TFDP2: variants seen among roughly 807,000 people sequenced by gnomAD.
The protein encoded by TFDP2 is transcription factor Dp-2 (E2F dimerization partner 2).
A neutral mutation model predicts 59.3 loss-of-function variants in TFDP2; 17 were observed. The observed-to-expected ratio is 0.29, with a 90% CI of 0.20 to 0.43. The LOEUF (loss-of-function observed/expected upper bound fraction) is 0.43. TFDP2 is among the 20% of genes least tolerant of loss of function. The pLI is 1.00. For synonymous variants in TFDP2, 180 were observed against 194.7 expected (o/e 0.92, Z 0.63); for missense variants, 391 against 528.8 (o/e 0.74, Z 2.56).
chr3:142,052,906 T>C (rs1947712174), intron 3 of TFDP2, among the ~76,000 whole-genome samples: 1 of 151,994 alleles, frequency 6.6e-6, no homozygotes, highest in African/African-American at 2.4e-5. Flanking sequence ...GCCTCCTGGG[T>C]TCACGCCATT....
chr3:141,948,506 A>G lies in TFDP2; in HGVS notation c.*4007T>C, dbSNP rs11707100. The G allele has an allele frequency of 0.08, 12,018 of 150,632 alleles. 601 individuals carry two copies. Among genetic ancestry groups the G allele is most frequent in the East Asian group, 0.16 (809 of 5,020 alleles). 9.3% of individuals were successfully genotyped at this position (150,632 alleles called of 1,614,324 possible). Reference sequence around the variant, plus strand: ...TGCAGTGAGCCGGGATTGCGCCACTACACTCCAGCCTGGCGACAGAGCAAG... The same window carrying G: ...TGCAGTGAGCCGGGATTGCGCCACTGCACTCCAGCCTGGCGACAGAGCAAG... On this transcript the variant is annotated 3_prime_UTR_variant, in exon 13 of 13. Transcript: ENST00000489671.
chr3:141,995,124 C>T lies in TFDP2; in HGVS notation c.204G>A (p.Gln68=), dbSNP rs754808403. 1 of 1,599,410 alleles carries T rather than the reference C, an allele frequency of 6.3e-7. No homozygotes were observed. The highest frequency in any genetic ancestry group is 2.2e-5 in the East Asian group (1 of 44,492). ...VGPQMIISTP[Q]RLTSSGSVLI... is the part of the protein sequence containing the mutation. ...GAACACTTCCTGAACTGGTTAGTCT[C>T]TGTGGTGTGCTTATAATCTGTAAAG... is the stretch of plus-strand genomic sequence containing the variant. The change falls in exon 5 of 13, where the codon CAG becomes CAA. Residue 68 remains glutamine, a synonymous_variant. Transcript: ENST00000489671.
rs1234307836 is a variant in TFDP2 at position 142,111,416 on chromosome 3, A to G, written c.-92-9575T>C. On this transcript the variant is annotated intron_variant, in intron 1 of 12. Coordinates refer to ENST00000489671, the MANE Select transcript of TFDP2 (RefSeq NM_001178139.2). ...GCACTCCGGCCTGGCCGACAGAGTTAGACTCTGTCTCAAAAAAAAAAAAAA... is the reference window on the plus strand; with the variant it reads ...GCACTCCGGCCTGGCCGACAGAGTTGGACTCTGTCTCAAAAAAAAAAAAAA... Among the ~76,000 whole-genome samples the G allele has an allele frequency of 3.5e-5, 5 of 143,580 alleles. No homozygotes were observed. In the Admixed American group the frequency reaches 3.5e-4, roughly 10 times the overall value. 94.2% of individuals were successfully genotyped at this position (143,580 alleles called of 152,430 possible).
intron 3 of TFDP2, among the ~76,000 whole-genome samples, chr3:142,031,699 A>T (rs1946439590): frequency 6.6e-6 from 1 of 152,200 alleles, no homozygotes; most frequent in Non-Finnish European, 1.5e-5. Flanking sequence ...AGGTAGCTGG[A>T]CATTCTCCTA....
chr3:142,041,440 A>G (rs1200288645), intron 3 of TFDP2, among the ~76,000 whole-genome samples: 1 of 152,158 alleles, frequency 6.6e-6, no homozygotes, highest in Non-Finnish European at 1.5e-5. Flanking sequence ...ATGATAGTGA[A>G]TAAGTCTTAC....
chr3:142,117,521 G>C (rs985510900), intron 1 of TFDP2, among the ~76,000 whole-genome samples: 1 of 152,070 alleles, frequency 6.6e-6, no homozygotes, highest in Non-Finnish European at 1.5e-5. Context: ...AAAAGACTCT[G>C]TGAGAAAGAG....
At chr3:142,095,323 G>C (rs1465868906) in intron 2 of TFDP2, among the ~76,000 whole-genome samples, 1 of 152,140 alleles carries the variant, frequency 6.6e-6, no homozygotes, top group Non-Finnish European at 1.5e-5. Flanking sequence ...TTATTTGATA[G>C]TTTATAATAT....
At chr3:142,087,288 A>C (rs532994120) in intron 3 of TFDP2, among the ~76,000 whole-genome samples, 4 of 152,168 alleles carry the variant, frequency 2.6e-5, no homozygotes, top group Non-Finnish European at 4.4e-5. Flanking sequence ...TACTTACACA[A>C]ACCTAAATGT....
chr3:141,956,758 CA>C (rs78741276), intron 11 of TFDP2, among the ~76,000 whole-genome samples: 397 of 130,328 alleles, frequency 3.0e-3, no homozygotes, highest in Middle Eastern at 3.9e-3. Flanking sequence ...CCAAACATAT[CA>C]AAAAAAAAAA....
chr3:142,009,142 T>C (rs931477377), intron 3 of TFDP2, among the ~76,000 whole-genome samples: 9 of 152,182 alleles, frequency 5.9e-5, no homozygotes, highest in Non-Finnish European at 1.3e-4. Context: ...TATCCCAGCA[T>C]CTAGTTTAGT....
At chr3:142,026,692 T>C (rs1946123545) in intron 3 of TFDP2, among the ~76,000 whole-genome samples, 1 of 152,216 alleles carries the variant, frequency 6.6e-6, no homozygotes, top group African/African-American at 2.4e-5. Context: ...TAGGACTTCT[T>C]TGTGTTACTT....
intron 3 of TFDP2, among the ~76,000 whole-genome samples, chr3:142,054,989 C>T (rs2059690560): frequency 6.6e-6 from 1 of 152,120 alleles, no homozygotes; most frequent in Non-Finnish European, 1.5e-5. Context: ...AAAGAAGAAC[C>T]TCATGAGCTT....
chr3:142,099,242 T>G (rs1467569017), intron 2 of TFDP2, among the ~76,000 whole-genome samples: 2 of 152,204 alleles, frequency 1.3e-5, no homozygotes, highest in African/African-American at 4.8e-5. Flanking sequence ...GATAACTCTT[T>G]TCTTCCTGTC....
chr3:141,956,378 CCT>C (rs1936651335), intron 11 of TFDP2, among the ~76,000 whole-genome samples: 1 of 151,948 alleles, frequency 6.6e-6, no homozygotes, highest in African/African-American at 2.4e-5. Flanking sequence ...GTGGTGAAAC[CCT>C]GTCTCTACTA....
intron 1 of TFDP2, among the ~76,000 whole-genome samples, chr3:142,134,599 C>T (rs2062652556): frequency 6.6e-6 from 1 of 151,964 alleles, no homozygotes; most frequent in African/African-American, 2.4e-5. Context: ...TTTTAAAAGG[C>T]AGAAAATGTT....
At chr3:142,093,203 T>A in intron 2 of TFDP2, 76 bp from the exon 3 acceptor site, 1 of 926,126 alleles carries the variant, frequency 1.1e-6, no homozygotes, top group Non-Finnish European at 1.6e-6. Context: ...ATTTTATATC[T>A]TCCATCAGAC....
intron 3 of TFDP2, among the ~76,000 whole-genome samples, chr3:142,014,015 A>G (rs1426113854): frequency 1.3e-5 from 2 of 152,234 alleles, no homozygotes; most frequent in East Asian, 1.9e-4. Flanking sequence ...CAAACTGGTA[A>G]CTTACTATAA....
chr3:142,016,796 G>A (rs543476552), intron 3 of TFDP2, among the ~76,000 whole-genome samples: 3 of 152,276 alleles, frequency 2.0e-5, no homozygotes, highest in Non-Finnish European at 4.4e-5. Context: ...CAGTCAGAGT[G>A]ATCCCACTAC....
At chr3:142,035,752 G>A (rs1004484146) in intron 3 of TFDP2, among the ~76,000 whole-genome samples, 3 of 152,174 alleles carry the variant, frequency 2.0e-5, no homozygotes, top group African/African-American at 7.2e-5. Context: ...GTTACTATAA[G>A]TGGGAGTTTT....
Sources: allele counts gnomAD v4.1 joint callset (sites outside exome capture counted in the v4.1 genomes callset), GRCh38; gene constraint gnomAD v4.1.1; transcripts MANE v1.5; gene names NCBI Gene and HGNC (gene_info 2026-07-23, HGNC 2026-07-21).